Variants in MARCHF1 observed in about 807,000 individuals in gnomAD.
MARCHF1 encodes the protein membrane associated ring-CH-type finger 1, also known as E3 ubiquitin-protein ligase MARCHF1.
MARCHF1 carries 40 observed loss-of-function variants against 54.2 expected under a neutral mutation model. That is an observed-to-expected ratio of 0.74 (90% CI 0.57 to 0.96). The LOEUF (loss-of-function observed/expected upper bound fraction) is 0.96. MARCHF1 is among the 40% of genes least tolerant of loss of function. The pLI is 0.00. For synonymous variants in MARCHF1, 236 were observed against 236.3 expected, an observed-to-expected ratio of 1.00 and a Z score of 0.01; for missense variants, 586 against 656.5, an observed-to-expected ratio of 0.89 and a Z score of 1.17.
At chr4:163,927,235 A>G (rs1346712013) in intron 3 of MARCHF1, among the ~76,000 whole-genome samples, 1 of 151,768 alleles carries the variant, frequency 6.6e-6, no homozygotes, top group East Asian at 1.9e-4. Context: ...TCCTACTACT[A>G]GTTAGATTTG....
chr4:163,794,914 A>T (rs1747870240), intron 4 of MARCHF1, among the ~76,000 whole-genome samples: 1 of 152,174 alleles, frequency 6.6e-6, no homozygotes, highest in Non-Finnish European at 1.5e-5. Flanking sequence ...AAAACTGAGA[A>T]ATAGAACATT....
chr4:163,685,621 A>C (rs950235604), intron 5 of MARCHF1, among the ~76,000 whole-genome samples: 2 of 151,944 alleles, frequency 1.3e-5, no homozygotes, highest in African/African-American at 4.8e-5. Flanking sequence ...CCCCAGGCTA[A>C]TTTTTGTATT....
At chr4:164,325,555 A>C (rs901471307) in intron 1 of MARCHF1, among the ~76,000 whole-genome samples, 1 of 152,034 alleles carries the variant, frequency 6.6e-6, no homozygotes, top group East Asian at 1.9e-4. Flanking sequence ...CAAAACTTAT[A>C]AAACCAACAC....
At chr4:164,229,271 A>G (rs1032956657) in intron 1 of MARCHF1, among the ~76,000 whole-genome samples, 3 of 152,176 alleles carry the variant, frequency 2.0e-5, no homozygotes, top group African/African-American at 7.2e-5. Context: ...TGCTGGTTGC[A>G]ATTTCAGACG....
chr4:164,257,682 G>C (rs1418623007), intron 1 of MARCHF1, among the ~76,000 whole-genome samples: 2 of 151,934 alleles, frequency 1.3e-5, no homozygotes, highest in East Asian at 3.9e-4. Context: ...AAAATCAATT[G>C]TGTGGCCAGG....
At chr4:164,333,275 A>G (rs111950623) in intron 1 of MARCHF1, among the ~76,000 whole-genome samples, 27 of 152,296 alleles carry the variant, frequency 1.8e-4, no homozygotes, top group African/African-American at 4.8e-4. Flanking sequence ...ATGTACACAG[A>G]TGTAACTCAT....
At position 164,357,294 on chromosome 4, in the gene MARCHF1, C is replaced by T. The variant is rs374101218; in HGVS notation, c.-323+26576G>A. Among the ~76,000 whole-genome samples, 6 of 151,990 alleles carry T rather than the reference C, an allele frequency of 3.9e-5. No individual in the cohort carries two copies. The East Asian group carries it at 9.7e-4, about 25-fold the overall frequency. ...GTATCTTTGTCTTTTCAGCTTCTAG[C>T]GGCCACTTAGATTTCTTGGTTTGTG... is the stretch of plus-strand genomic sequence containing the variant. On this transcript the variant is annotated intron_variant, in intron 1 of 9. Coordinates refer to ENST00000514618, the MANE Select transcript of MARCHF1 (RefSeq NM_001394959.1).
At chr4:163,740,529 G>A (rs899491243) in intron 4 of MARCHF1, among the ~76,000 whole-genome samples, 2 of 152,208 alleles carry the variant, frequency 1.3e-5, no homozygotes, top group African/African-American at 4.8e-5. Context: ...GCCAGGTGAT[G>A]TCTATACATT....
chr4:163,860,600 A>G (rs1749901706), intron 3 of MARCHF1, among the ~76,000 whole-genome samples: 1 of 152,332 alleles, frequency 6.6e-6, no homozygotes, highest in African/African-American at 2.4e-5. Context: ...GCCGAGAAAT[A>G]CAGGCTCACT....
chr4:163,792,802 A>C (rs1747806615), intron 4 of MARCHF1, among the ~76,000 whole-genome samples: 1 of 152,226 alleles, frequency 6.6e-6, no homozygotes, highest in Non-Finnish European at 1.5e-5. Context: ...TTTTAAGGGA[A>C]AGTTAGACTA....
intron 3 of MARCHF1, among the ~76,000 whole-genome samples, chr4:163,961,764 A>G (rs1752350245): frequency 6.6e-6 from 1 of 151,910 alleles, no homozygotes; most frequent in South Asian, 2.1e-4. Flanking sequence ...AAGATTAAAC[A>G]TACTTTCCTC....
At chr4:164,275,024 T>A (rs967286107) in intron 1 of MARCHF1, among the ~76,000 whole-genome samples, 5 of 151,610 alleles carry the variant, frequency 3.3e-5, no homozygotes, top group African/African-American at 9.7e-5. Flanking sequence ...ATAAAAAATA[T>A]AATAAGAAAC....
intron 1 of MARCHF1, among the ~76,000 whole-genome samples, chr4:164,329,701 G>A (rs917109276): frequency 6.6e-6 from 1 of 152,184 alleles, no homozygotes; most frequent in Non-Finnish European, 1.5e-5. Flanking sequence ...ATAAGAGCAG[G>A]CACGTCACAC....
chr4:163,626,642 T>A (rs1741879779), intron 5 of MARCHF1, among the ~76,000 whole-genome samples: 1 of 152,184 alleles, frequency 6.6e-6, no homozygotes, highest in African/African-American at 2.4e-5. Context: ...AAACTAGTTC[T>A]AGGGGACCGG....
intron 4 of MARCHF1, among the ~76,000 whole-genome samples, chr4:163,850,696 T>C (rs1749617476): frequency 6.6e-6 from 1 of 152,194 alleles, no homozygotes; most frequent in Non-Finnish European, 1.5e-5. Context: ...CATAATGTTT[T>C]GTCAAAACTC....
chr4:163,955,212 T>TAAAAAAAAAAA (rs574633631), intron 3 of MARCHF1, among the ~76,000 whole-genome samples: 1 of 111,836 alleles, frequency 8.9e-6, no homozygotes, highest in African/African-American at 3.4e-5. Flanking sequence ...TACTGAACAT[T>TAAAAAAAAAAA]AAAAAAAAAA....
At chr4:163,822,208 A>G (rs1313523848) in intron 4 of MARCHF1, among the ~76,000 whole-genome samples, 1 of 151,918 alleles carries the variant, frequency 6.6e-6, no homozygotes, top group Non-Finnish European at 1.5e-5. Context: ...CTTTTTTTTA[A>G]TGAACATTCA....
At chr4:164,106,867 G>T (rs1755716021) in intron 2 of MARCHF1, among the ~76,000 whole-genome samples, 1 of 151,720 alleles carries the variant, frequency 6.6e-6, no homozygotes, top group Non-Finnish European at 1.5e-5. Context: ...TCAGAATGCT[G>T]TCATAATCAC....
chr4:164,185,810 A>ACACACACACACACACACAC (rs1553990115), intron 1 of MARCHF1, among the ~76,000 whole-genome samples: 2 of 64,814 alleles, frequency 3.1e-5, no homozygotes, highest in African/African-American at 1.4e-4. Flanking sequence ...ACACACACAC[A>ACACACACACACACACACAC]AAAAAAAAAA....
Sources: allele counts gnomAD v4.1 joint callset (sites outside exome capture counted in the v4.1 genomes callset), GRCh38; gene constraint gnomAD v4.1.1; transcripts MANE v1.5; gene names NCBI Gene and HGNC (gene_info 2026-07-23, HGNC 2026-07-21).